The following JAK1 variants were observed in gnomAD, a reference collection of about 807,000 sequenced individuals.
JAK1 encodes Janus kinase 1, also known as tyrosine-protein kinase JAK1.
A neutral mutation model predicts 136.6 loss-of-function variants in JAK1; 16 were observed. The ratio of observed to expected loss-of-function variants is 0.12; its 90% CI spans 0.08 to 0.18. The LOEUF (loss-of-function observed/expected upper bound fraction) is 0.18, where lower values mean the gene tolerates loss of function less well. Among genes scored for constraint, JAK1 ranks in the 10% least tolerant of loss-of-function variants. The pLI is 1.00. For missense variants in JAK1, 859 were observed against 1,450.1 expected, an observed-to-expected ratio of 0.59 and a Z score of 6.62; for synonymous variants, 492 against 519.5, an observed-to-expected ratio of 0.95 and a Z score of 0.72.
chr1:64,858,055 C>A (rs2101062263), intron 9 of JAK1, among the ~76,000 whole-genome samples: 1 of 152,334 alleles, frequency 6.6e-6, no homozygotes, highest in Non-Finnish European at 1.5e-5. Context: ...CTACAGACAT[C>A]ATCTCCAGCT....
At chr1:65,007,655 G>A (rs1646814466) in intron 2 of JAK1, among the ~76,000 whole-genome samples, 1 of 151,726 alleles carries the variant, frequency 6.6e-6, no homozygotes, top group South Asian at 2.1e-4. Context: ...TAGAGACAGG[G>A]TTTCTCCATG....
chr1:64,913,618 T>TGGGAGGGA (rs1227921796), intron 1 of JAK1, among the ~76,000 whole-genome samples: 2 of 118,700 alleles, frequency 1.7e-5, no homozygotes, highest in South Asian at 2.8e-4. Flanking sequence ...AGATTCCATT[T>TGGGAGGGA]GGGAGGGAGG....
Position 64,984,416 on chromosome 1 carries a change from A to G in JAK1, c.-78+60064T>C, listed in dbSNP as rs1646579006. Among the ~76,000 whole-genome samples, 1 of 152,188 alleles carries G rather than the reference A, an allele frequency of 6.6e-6. No homozygotes were observed. The highest frequency in any genetic ancestry group is 1.5e-5 in the Non-Finnish European group (1 of 68,026). ...TAGGTTCACTTGGTCTCTCCTACGC[A>G]GAAGAGAATGTCCAAGAAATGAAAT... is the stretch of plus-strand genomic sequence containing the variant. On this transcript the variant is annotated intron_variant, in intron 2 of 25. Transcript: ENST00000671954. The surrounding 1 kb of genome is among the most constrained non-coding windows in gnomAD (Gnocchi z 4.1).
chr1:64,973,583 G>T, intron 2 of JAK1: 1 of 125,372 alleles, frequency 8.0e-6, no homozygotes, highest in Admixed American at 9.7e-5. Context: ...TTAAGTAAAT[G>T]TTCACCTTTT....
chr1:64,904,214 T>C (rs1024246533), intron 1 of JAK1, among the ~76,000 whole-genome samples: 8 of 152,218 alleles, frequency 5.3e-5, no homozygotes, highest in African/African-American at 1.9e-4. Flanking sequence ...GACACAGTAA[T>C]TGATTAATTC....
chr1:64,950,014 T>G (rs1646053855), intron 1 of JAK1, among the ~76,000 whole-genome samples: 1 of 152,196 alleles, frequency 6.6e-6, no homozygotes, highest in South Asian at 2.1e-4. Context: ...GGTATATGTA[T>G]CCAGCAATTA....
At chr1:64,883,707 T>C (rs1276768313) in intron 2 of JAK1, among the ~76,000 whole-genome samples, 4 of 152,104 alleles carry the variant, frequency 2.6e-5, no homozygotes, top group Admixed American at 6.5e-5. Flanking sequence ...TTATTAATTA[T>C]GTATTTTTGA....
intron 1 of JAK1, among the ~76,000 whole-genome samples, chr1:64,896,657 A>G (rs1218784713): frequency 6.6e-6 from 1 of 152,220 alleles, no homozygotes; most frequent in African/African-American, 2.4e-5. Context: ...AACAAAAGAT[A>G]TATCGCCAAA....
chr1:64,961,166 CA>C (rs899324424), intron 1 of JAK1, among the ~76,000 whole-genome samples: 2 of 151,606 alleles, frequency 1.3e-5, no homozygotes, highest in African/African-American at 2.4e-5. Context: ...GATAAACTGT[CA>C]AAAAAAAGTC....
At chr1:64,973,213 G>A (rs543088690) in intron 2 of JAK1, 1 of 146,388 alleles carries the variant, frequency 6.8e-6, no homozygotes, top group Admixed American at 7.0e-5. Flanking sequence ...GGAAAAGAAA[G>A]AAAGAAAGGA....
rs776229666 is a variant in JAK1 at position 64,847,680 on chromosome 1, G to A, written c.1756-5C>T. 4 of 1,613,430 alleles carry A rather than the reference G, an allele frequency of 2.5e-6. No individual in the cohort carries two copies. Among genetic ancestry groups the A allele is most frequent in the Non-Finnish European group, 3.4e-6 (4 of 1,179,700 alleles). ...GCCTCTCCCAAGGTGCTCGCCCTGA[G>A]GGAAGAAGCAGAAGGCTGGGTGACC... On this transcript the variant is annotated splice_polypyrimidine_tract_variant and splice_region_variant and intron_variant, in intron 12 of 24. Transcript: ENST00000342505.
chr1:65,014,976 C>A (rs1420637663), intron 2 of JAK1, among the ~76,000 whole-genome samples: 1 of 152,058 alleles, frequency 6.6e-6, no homozygotes, highest in African/African-American at 2.4e-5. Flanking sequence ...TGAGCCACCG[C>A]GCCCGGCCCA....
intron 1 of JAK1, among the ~76,000 whole-genome samples, chr1:65,053,139 A>G (rs1647365752): frequency 6.6e-6 from 1 of 151,468 alleles, no homozygotes; most frequent in Non-Finnish European, 1.5e-5. Flanking sequence ...TGAGGTCAGG[A>G]GTTTGAGACC....
chr1:64,975,092 T>A (rs1646486782), intron 2 of JAK1, among the ~76,000 whole-genome samples: 2 of 151,602 alleles, frequency 1.3e-5, no homozygotes, highest in African/African-American at 4.9e-5. Context: ...TATAGTTTTT[T>A]TTTTTTCCTT....
chr1:64,941,817 G>A (rs1325465603), intron 1 of JAK1, among the ~76,000 whole-genome samples: 1 of 152,206 alleles, frequency 6.6e-6, no homozygotes, highest in Non-Finnish European at 1.5e-5. Flanking sequence ...AAAAGCCTGA[G>A]GTCAGGCCAG....
intron 1 of JAK1, among the ~76,000 whole-genome samples, chr1:65,054,348 TG>T (rs1415844651): frequency 2.6e-5 from 4 of 152,170 alleles, no homozygotes; most frequent in African/African-American, 9.7e-5. Context: ...TTTCATATAT[TG>T]TATGTTTATA....
intron 2 of JAK1, among the ~76,000 whole-genome samples, chr1:65,013,143 C>T (rs1367415311): frequency 6.8e-6 from 1 of 146,954 alleles, no homozygotes; most frequent in African/African-American, 2.5e-5. Context: ...CACCTGTAAT[C>T]CCAGCACTTT....
At chr1:64,883,144 A>T in intron 3 of JAK1, 133 bp downstream of exon 3, 1 of 644,240 alleles carries the variant, frequency 1.6e-6, no homozygotes, top group Non-Finnish European at 2.6e-6. Flanking sequence ...GCAGTGGCAG[A>T]GGCAGGGAGG....
chr1:65,046,960 G>A (rs1647189796), intron 1 of JAK1, among the ~76,000 whole-genome samples: 1 of 147,214 alleles, frequency 6.8e-6, no homozygotes, highest in Admixed American at 6.8e-5. Flanking sequence ...TTGACAGGCT[G>A]AGGGAGGATC....
Sources: allele counts gnomAD v4.1 joint callset (sites outside exome capture counted in the v4.1 genomes callset), GRCh38; gene constraint gnomAD v4.1.1; non-coding constraint Gnocchi (gnomAD v3.1); transcripts MANE v1.5; gene names NCBI Gene and HGNC (gene_info 2026-07-23, HGNC 2026-07-21).